Variants in MTUS2 observed in about 807,000 individuals in gnomAD.
The protein encoded by MTUS2 is microtubule associated scaffold protein 2.
MTUS2 carries 40 observed loss-of-function variants against 114.1 expected under a neutral mutation model. The observed-to-expected ratio is 0.35, with a 90% CI of 0.27 to 0.46. MTUS2 has a LOEUF of 0.46. MTUS2 is among the 20% of genes least tolerant of loss of function. The probability of loss-of-function intolerance (pLI) is 1.00; values close to 1 mark genes in which losing one functional copy is unlikely to be tolerated. For synonymous variants in MTUS2, 688 were observed against 672.0 expected (o/e 1.02, Z -0.37); for missense variants, 1,679 against 1,705.4 (o/e 0.98, Z 0.27).
At chr13:28,834,126 C>T (rs1320867897) in intron 1 of MTUS2, among the ~76,000 whole-genome samples, 1 of 152,110 alleles carries the variant, frequency 6.6e-6, no homozygotes, top group Non-Finnish European at 1.5e-5. Flanking sequence ...TTAATGTAAT[C>T]GCTATCAAAA....
chr13:29,249,433 A>G (rs532262796), intron 5 of MTUS2, among the ~76,000 whole-genome samples: 191 of 152,318 alleles, frequency 1.3e-3, no homozygotes, highest in African/African-American at 4.4e-3. Context: ...CCAACAGTGT[A>G]TAAGTGTTCC....
intron 8 of MTUS2, among the ~76,000 whole-genome samples, chr13:29,437,250 C>T (rs1485637532): frequency 6.6e-6 from 1 of 152,190 alleles, no homozygotes; most frequent in African/African-American, 2.4e-5. Flanking sequence ...TTGCAACTCT[C>T]ATTACTCTGA....
chr13:29,491,635 G>T (rs1475929769), intron 11 of MTUS2, among the ~76,000 whole-genome samples: 1 of 148,028 alleles, frequency 6.8e-6, no homozygotes, highest in African/African-American at 2.5e-5. Context: ...GTGATTAGTA[G>T]GTGTGTATGT....
chr13:28,889,450 T>C (rs1312435274), intron 2 of MTUS2, among the ~76,000 whole-genome samples: 1 of 152,190 alleles, frequency 6.6e-6, no homozygotes, highest in Non-Finnish European at 1.5e-5. Flanking sequence ...TGAGCTACCT[T>C]GTCATTAGGT....
chr13:28,848,884 G>A (rs1876064777), intron 2 of MTUS2, among the ~76,000 whole-genome samples: 1 of 152,134 alleles, frequency 6.6e-6, no homozygotes. Flanking sequence ...GGCCAAGGAT[G>A]CTGCTCATCA....
chr13:28,900,515 A>C (rs1273256015), intron 2 of MTUS2, among the ~76,000 whole-genome samples: 2 of 152,196 alleles, frequency 1.3e-5, no homozygotes, highest in Non-Finnish European at 2.9e-5. Flanking sequence ...TTGTCATTTG[A>C]AGACAAAATA....
intron 2 of MTUS2, among the ~76,000 whole-genome samples, chr13:28,856,438 C>T (rs573872949): frequency 6.6e-6 from 1 of 152,256 alleles, no homozygotes; most frequent in South Asian, 2.1e-4. Flanking sequence ...CAGTTCATAG[C>T]TGGTCAGACT....
intron 2 of MTUS2, among the ~76,000 whole-genome samples, chr13:28,849,779 C>T (rs1489312265): frequency 1.3e-5 from 2 of 152,050 alleles, no homozygotes; most frequent in African/African-American, 4.8e-5. Context: ...TCTCATTGCC[C>T]ATGACGTTCT....
In MTUS2 at chr13:29,026,446, C is replaced by T. The variant is rs746889766; in HGVS notation, c.1748C>T (p.Thr583Met). The change falls in exon 3 of 16, where the codon ACG becomes ATG. Residue 583 changes from threonine to methionine, a missense_variant. By Grantham distance (81) the Thr-to-Met change is moderately conservative. This residue lies in a region of MTUS2 where 843 missense variants were observed against 770.8 expected (regional missense o/e 1.09). Coordinates refer to ENST00000612955, the MANE Select transcript of MTUS2 (RefSeq NM_001033602.4). ...ACTGATAGTGCACGCTTGTTGAACA[C>T]GTCCCCCAAAGTGCCTGACAAGAAC... ...PPTDSARLLNTSPKVPDKNTC... is the reference protein window; with the variant it reads ...PPTDSARLLNMSPKVPDKNTC... 9.3e-6 allele frequency: 15 copies of T among 1,613,840 alleles called. No individual in the cohort carries two copies. Among genetic ancestry groups the T allele is most frequent in the Middle Eastern group, 1.6e-4 (1 of 6,084 alleles).
chr13:29,069,110 A>G (rs1888794815), intron 4 of MTUS2, among the ~76,000 whole-genome samples: 1 of 152,188 alleles, frequency 6.6e-6, no homozygotes, highest in Admixed American at 6.5e-5. Context: ...AGGTGGATTT[A>G]ATTAAATTCC....
At chr13:29,281,456 G>C (rs1398449999) in intron 5 of MTUS2, among the ~76,000 whole-genome samples, 2 of 150,444 alleles carry the variant, frequency 1.3e-5, no homozygotes, top group African/African-American at 4.9e-5. Context: ...TGTGCATGCA[G>C]GCTGCTCCTG....
In MTUS2 at chr13:28,920,750, G is replaced by A. The variant is rs558326130; in HGVS notation, c.-243+80900G>A. 6.6e-5 allele frequency among the ~76,000 whole-genome samples: 10 copies of A among 152,302 alleles called. No individual in the cohort carries two copies. In the East Asian group the frequency reaches 7.7e-4, roughly 12 times the overall value. On this transcript the variant is annotated intron_variant, in intron 2 of 15. Transcript: ENST00000612955. ...GTTCTGTTCTACTGCGGCTAAGCTA[G>A]TACTCAAACCACAAGACAAAGTCCT...
intron 8 of MTUS2, among the ~76,000 whole-genome samples, chr13:29,414,281 A>G (rs1424186903): frequency 5.7e-5 from 5 of 87,792 alleles, no homozygotes; most frequent in Admixed American, 1.2e-4. Flanking sequence ...CAGGAAGGGG[A>G]ATATCACACT....
intron 5 of MTUS2, among the ~76,000 whole-genome samples, chr13:29,183,766 C>A (rs374801606): frequency 6.6e-6 from 1 of 152,164 alleles, no homozygotes; most frequent in South Asian, 2.1e-4. Flanking sequence ...AAAAAGTGAT[C>A]GGTTGGATCA....
intron 6 of MTUS2, among the ~76,000 whole-genome samples, chr13:29,317,463 G>A (rs1480008145): frequency 2.2e-4 from 2 of 9,156 alleles, no homozygotes; most frequent in African/African-American, 2.4e-4. Context: ...ACGGAGTCTC[G>A]CTCTGTCGCC....
chr13:29,323,003 CTGTT>C lies in MTUS2; in HGVS notation c.2807-1605_2807-1602del, dbSNP rs1014500789. Among the ~76,000 whole-genome samples the C allele has an allele frequency of 4.6e-5, 7 of 152,278 alleles. No homozygotes were observed. In the East Asian group the frequency reaches 7.7e-4, roughly 17 times the overall value. The stretch of plus-strand genomic sequence containing the variant: ...ATGTTGGAAGAGCTGTTCTCAGACA[CTGTT>C]TGTTGGGAATATGAATTAGTGGATC... On this transcript the variant is annotated intron_variant, in intron 6 of 15. Coordinates refer to ENST00000612955, the MANE Select transcript of MTUS2 (RefSeq NM_001033602.4).
At chr13:29,046,297 G>A (rs1249591953) in intron 4 of MTUS2, among the ~76,000 whole-genome samples, 2 of 145,970 alleles carry the variant, frequency 1.4e-5, no homozygotes, top group Non-Finnish European at 3.0e-5. Context: ...TATTTTTTTT[G>A]TAGAGATGAG....
At chr13:29,320,861 C>T (rs189008523) in intron 6 of MTUS2, among the ~76,000 whole-genome samples, 1 of 152,236 alleles carries the variant, frequency 6.6e-6, no homozygotes, top group African/African-American at 2.4e-5. Flanking sequence ...AGGGGCCAGA[C>T]TTAGGAGCTA....
At chr13:29,044,456 T>C (rs951777990) in intron 4 of MTUS2, among the ~76,000 whole-genome samples, 1 of 152,190 alleles carries the variant, frequency 6.6e-6, no homozygotes, top group Non-Finnish European at 1.5e-5. Flanking sequence ...TTGAGATTTT[T>C]GGATCTGTTT....
Sources: allele counts gnomAD v4.1 joint callset (sites outside exome capture counted in the v4.1 genomes callset), GRCh38; gene constraint gnomAD v4.1.1; regional missense constraint gnomAD v4.1.1; transcripts MANE v1.5; gene names NCBI Gene and HGNC (gene_info 2026-07-23, HGNC 2026-07-21).